KHDRBS2: variants seen among roughly 807,000 people sequenced by gnomAD.
KHDRBS2 encodes the protein KH domain-containing, RNA-binding, signal transduction-associated protein 2.
A neutral mutation model predicts 44.3 loss-of-function variants in KHDRBS2; 26 were observed. The observed-to-expected ratio is 0.59, with a 90% CI of 0.43 to 0.81. KHDRBS2 has a LOEUF of 0.81. Ranked by LOEUF, KHDRBS2 falls within the 40% of genes least tolerant of loss-of-function variation. The pLI is 0.00. For synonymous variants in KHDRBS2, 194 were observed against 151.1 expected (o/e 1.28, Z -2.08); for missense variants, 476 against 433.1 (o/e 1.10, Z -0.88).
intron 6 of KHDRBS2, among the ~76,000 whole-genome samples, chr6:61,848,510 T>TATATATATATAC (rs1491479304): frequency 1.5e-4 from 7 of 48,144 alleles, no homozygotes; most frequent in African/African-American, 8.1e-4. Context: ...TATATATATA[T>TATATATATATAC]GTATATATGT....
chr6:61,778,953 T>C (rs1365798310), intron 6 of KHDRBS2, among the ~76,000 whole-genome samples: 4 of 152,150 alleles, frequency 2.6e-5, no homozygotes, highest in African/African-American at 7.2e-5. Flanking sequence ...AACTGGGAAA[T>C]GGGCATCAGA....
intron 2 of KHDRBS2, among the ~76,000 whole-genome samples, chr6:62,072,492 C>G (rs917066964): frequency 1.3e-5 from 2 of 152,028 alleles, no homozygotes; most frequent in Admixed American, 6.6e-5. Flanking sequence ...ATAGATAGCT[C>G]TTATTATTTT....
intron 6 of KHDRBS2, among the ~76,000 whole-genome samples, chr6:61,865,143 C>G (rs1797590620): frequency 1.3e-5 from 2 of 152,094 alleles, no homozygotes. Context: ...CCTCTTTATA[C>G]TCACTGTTTT....
intron 6 of KHDRBS2, among the ~76,000 whole-genome samples, chr6:61,770,119 G>T (rs1278676205): frequency 6.6e-6 from 1 of 152,198 alleles, no homozygotes; most frequent in Non-Finnish European, 1.5e-5. Context: ...ACCTGCAGCT[G>T]AGGGTCCTGT....
chr6:61,908,256 G>C (rs1805388485), intron 4 of KHDRBS2, among the ~76,000 whole-genome samples: 3 of 152,060 alleles, frequency 2.0e-5, no homozygotes, highest in Non-Finnish European at 1.5e-5. Context: ...AAGGACAAAA[G>C]AGACAAAGGA....
At chr6:61,574,624 C>T in the KHDRBS2 span, among the ~76,000 whole-genome samples, 26 of 152,000 alleles carry the variant, frequency 1.7e-4, no homozygotes, top group Non-Finnish European at 2.4e-4. Flanking sequence ...ACAAGTTACC[C>T]TAGGGGCGTG....
At chr6:61,893,276 T>C (rs1179373397) in intron 6 of KHDRBS2, among the ~76,000 whole-genome samples, 1 of 152,138 alleles carries the variant, frequency 6.6e-6, no homozygotes, top group African/African-American at 2.4e-5. Flanking sequence ...TGTGGAGAAG[T>C]AGGAACACTT....
intron 1 of KHDRBS2, among the ~76,000 whole-genome samples, chr6:62,186,036 G>A (rs1369716173): frequency 6.6e-6 from 1 of 151,862 alleles, no homozygotes; most frequent in African/African-American, 2.4e-5. Context: ...ATCTTATGAG[G>A]GGCATCCTAG....
chr6:61,956,097 G>A (rs943580792), intron 4 of KHDRBS2, among the ~76,000 whole-genome samples: 4 of 152,034 alleles, frequency 2.6e-5, no homozygotes, highest in African/African-American at 9.7e-5. Context: ...GGGAGGCTGA[G>A]GCAGGAGAAT....
At chr6:61,545,391 A>G in the KHDRBS2 span, among the ~76,000 whole-genome samples, 1 of 151,998 alleles carries the variant, frequency 6.6e-6, no homozygotes, top group Non-Finnish European at 1.5e-5. Context: ...TGTTCTTATT[A>G]TGTGGATCCT....
At chr6:62,026,419 T>TTATTC (rs1434701306) in intron 3 of KHDRBS2, among the ~76,000 whole-genome samples, 8 of 136,978 alleles carry the variant, frequency 5.8e-5, no homozygotes, top group African/African-American at 1.5e-4. Context: ...TTATTTTATT[T>TTATTC]ATTATTATTA....
chr6:61,987,843 C>G (rs1197246176), intron 3 of KHDRBS2, among the ~76,000 whole-genome samples: 2 of 152,126 alleles, frequency 1.3e-5, no homozygotes, highest in Non-Finnish European at 2.9e-5. Flanking sequence ...TGCCTGCTAT[C>G]TTTGAATTAA....
intron 1 of KHDRBS2, among the ~76,000 whole-genome samples, chr6:62,220,886 G>C (rs1209978709): frequency 6.6e-6 from 1 of 151,830 alleles, no homozygotes; most frequent in Non-Finnish European, 1.5e-5. Flanking sequence ...AAATTTGTTA[G>C]ATTACAAATA....
chr6:61,935,580 T>C (rs532415983), intron 4 of KHDRBS2, among the ~76,000 whole-genome samples: 5 of 152,248 alleles, frequency 3.3e-5, no homozygotes, highest in African/African-American at 9.6e-5. Context: ...AATACTATCA[T>C]AGAAATTATG....
chr6:61,558,674 C>A, the KHDRBS2 span, among the ~76,000 whole-genome samples: 1 of 152,000 alleles, frequency 6.6e-6, no homozygotes, highest in African/African-American at 2.4e-5. Context: ...CTTCCTTGAC[C>A]AACTGGTTAT....
At chr6:62,137,283 G>A (rs999663) in intron 2 of KHDRBS2, among the ~76,000 whole-genome samples, 12,227 of 152,088 alleles carry the variant, frequency 0.08, 530 homozygotes, top group African/African-American at 0.11. Flanking sequence ...TTACAGGCGT[G>A]AGCCACCGCG....
chr6:61,984,720 C>T (rs1774694451), intron 3 of KHDRBS2, among the ~76,000 whole-genome samples: 1 of 152,342 alleles, frequency 6.6e-6, no homozygotes. Context: ...TACTGAGCAA[C>T]TGCCACATGA....
chr6:61,622,397 T>A, the KHDRBS2 span, among the ~76,000 whole-genome samples: 1 of 152,010 alleles, frequency 6.6e-6, no homozygotes, highest in African/African-American at 2.4e-5. Flanking sequence ...AACCTGACAG[T>A]GGAGGAAAGA....
the KHDRBS2 span, among the ~76,000 whole-genome samples, chr6:61,571,779 A>G: frequency 6.6e-6 from 1 of 152,044 alleles, no homozygotes; most frequent in African/African-American, 2.4e-5. Flanking sequence ...ATATACAAAC[A>G]CATGCAAAAC....
Sources: allele counts gnomAD v4.1 joint callset (sites outside exome capture counted in the v4.1 genomes callset), GRCh38; gene constraint gnomAD v4.1.1; transcripts MANE v1.5; gene names NCBI Gene and HGNC (gene_info 2026-07-23, HGNC 2026-07-21).